DGLUCY: variants seen among roughly 807,000 people sequenced by gnomAD.
DGLUCY encodes the protein D-glutamate cyclase, mitochondrial.
DGLUCY carries 58 observed loss-of-function variants against 58.5 expected under a neutral mutation model. The observed-to-expected ratio is 0.99, with a 90% CI of 0.80 to 1.23. DGLUCY has a LOEUF of 1.23. Among genes scored for constraint, DGLUCY ranks in the 50% most tolerant of loss-of-function variants. The pLI is 0.00. For synonymous variants in DGLUCY, 325 were observed against 314.1 expected, an observed-to-expected ratio of 1.03 and a Z score of -0.37; for missense variants, 779 against 784.7, an observed-to-expected ratio of 0.99 and a Z score of 0.09.
In DGLUCY at chr14:91,069,799, C is replaced by CTTTTTTT. The variant is rs5810528; in HGVS notation, c.-82+9106_-82+9112dup. Among the ~76,000 whole-genome samples the CTTTTTTT allele has an allele frequency of 1.2e-4, 14 of 121,030 alleles. 1 individual carries two copies. Among genetic ancestry groups the CTTTTTTT allele is most frequent in the African/African-American group, 4.1e-4 (13 of 31,634 alleles). 79.4% of individuals were successfully genotyped at this position (121,030 alleles called of 152,430 possible). On this transcript the variant is annotated intron_variant, in intron 1 of 4. Transcript: ENST00000521334. ...TTTCACTTATGATAATGATATGCCT[C>CTTTTTTT]TTTTTTTTTTTTTTTTTGTCACCCA...
Position 91,170,153 on chromosome 14 carries a change from G to A in DGLUCY, c.408G>A (p.Gly136=), listed in dbSNP as rs2048496833. Residue 136 remains glycine (G), a synonymous_variant, in exon 5 of 14, where the codon GGG becomes GGA. Transcript: ENST00000256324. ...FSLEEALEKA[G]LPRRDPAGHS... The stretch of plus-strand genomic sequence containing the variant: ...TGGAGGAGGCCTTGGAGAAAGCGGG[G>A]CTCCCCAGAAGAGACCCAGCAGGTC... The A allele has an allele frequency of 1.2e-6, 2 of 1,613,552 alleles. No homozygotes were observed. Among genetic ancestry groups the A allele is most frequent in the African/African-American group, 2.7e-5 (2 of 74,932 alleles).
chr14:91,186,163 C>T (rs2049505042), intron 8 of DGLUCY, among the ~76,000 whole-genome samples: 2 of 152,128 alleles, frequency 1.3e-5, no homozygotes, highest in African/African-American at 4.8e-5. Context: ...TTCTCACTCT[C>T]CTCTTCTCCC....
intron 1 of DGLUCY, among the ~76,000 whole-genome samples, chr14:91,090,165 C>A (rs543228603): frequency 6.6e-6 from 1 of 152,266 alleles, no homozygotes; most frequent in African/African-American, 2.4e-5. Context: ...TTCATTGCAC[C>A]GCCACAGGGA....
intron 5 of DGLUCY, 98 bp downstream of exon 5, chr14:91,170,299 G>T (rs1338933140): frequency 2.3e-6 from 3 of 1,325,830 alleles, no homozygotes; most frequent in African/African-American, 1.5e-5. Context: ...CACGGGAGGT[G>T]GAAAACCTAA....
intron 1 of DGLUCY, among the ~76,000 whole-genome samples, chr14:91,153,297 C>G (rs1832323883): frequency 6.6e-6 from 1 of 152,218 alleles, no homozygotes. Flanking sequence ...AGTCTCGTGC[C>G]TCAGCCTCCC....
chr14:91,217,306 G>A (rs1482784742), intron 13 of DGLUCY, among the ~76,000 whole-genome samples: 1 of 152,122 alleles, frequency 6.6e-6, no homozygotes, highest in Non-Finnish European at 1.5e-5. Flanking sequence ...GGGAGAGGGC[G>A]TGGAAGGTCT....
At chr14:91,214,883 G>T (rs781255378) in intron 12 of DGLUCY, among the ~76,000 whole-genome samples, 25 of 152,162 alleles carry the variant, frequency 1.6e-4, no homozygotes, top group Non-Finnish European at 3.1e-4. Flanking sequence ...AGGTGCAGTG[G>T]CTCATGCCTG....
intron 11 of DGLUCY, among the ~76,000 whole-genome samples, chr14:91,204,199 C>T (rs1453452628): frequency 1.3e-5 from 2 of 152,262 alleles, no homozygotes; most frequent in African/African-American, 4.8e-5. Context: ...ACTAACCACA[C>T]TTGGAGTGTG....
chr14:91,219,053 G>A (rs1169083426), intron 13 of DGLUCY, among the ~76,000 whole-genome samples: 3 of 151,898 alleles, frequency 2.0e-5, no homozygotes, highest in Non-Finnish European at 2.9e-5. Flanking sequence ...GGTGGCGGGC[G>A]CCTGTAGTCC....
In DGLUCY at chr14:91,157,183, A is replaced by G. The variant is rs1164458568; in HGVS notation, c.-81-456A>G. On this transcript the variant is annotated intron_variant, in intron 1 of 13. Coordinates refer to ENST00000256324, the MANE Select transcript of DGLUCY (RefSeq NM_001102368.3). ...AATGGGTGGATGGATAGATGGATGG[A>G]TGGGTGGATAGATGGATGGATGAAT... Among the ~76,000 whole-genome samples, 541 of 134,588 alleles carry G rather than the reference A, an allele frequency of 4.0e-3. 4 individuals are homozygous for G. The highest frequency in any genetic ancestry group is 0.014 in the African/African-American group (517 of 37,616). The allele number at this position is 134,588 out of a possible 152,430, so 88.3% of individuals were successfully genotyped here. A position where few individuals can be genotyped will look rare whatever the true frequency, so the allele number is the denominator to read the frequency against.
chr14:91,211,724 T>G, intron 12 of DGLUCY, among the ~76,000 whole-genome samples: 1 of 152,208 alleles, frequency 6.6e-6, no homozygotes, highest in East Asian at 1.9e-4. Flanking sequence ...AACACAAAAC[T>G]ATAAAACTCC....
At chr14:91,140,461 CAGG>C in intron 1 of DGLUCY, among the ~76,000 whole-genome samples, 1 of 152,280 alleles carries the variant, frequency 6.6e-6, no homozygotes, top group South Asian at 2.1e-4. Flanking sequence ...CACCTGAAGT[CAGG>C]AGTTCAAGAG....
chr14:91,182,469 A>G (rs2049241837), intron 8 of DGLUCY, among the ~76,000 whole-genome samples: 2 of 151,796 alleles, frequency 1.3e-5, no homozygotes, highest in South Asian at 4.2e-4. Flanking sequence ...TATTATTATT[A>G]TTTAGAGATG....
intron 1 of DGLUCY, among the ~76,000 whole-genome samples, chr14:91,069,028 G>A (rs1046669778): frequency 5.9e-5 from 9 of 152,188 alleles, no homozygotes; most frequent in Admixed American, 5.2e-4. Flanking sequence ...AGTTTAGGTG[G>A]TACATGAAGA....
intron 1 of DGLUCY, among the ~76,000 whole-genome samples, chr14:91,152,185 A>G (rs1436510831): frequency 6.6e-6 from 1 of 152,176 alleles, no homozygotes; most frequent in Admixed American, 6.5e-5. Context: ...CCAGGAGTTC[A>G]GAAAATACAG....
chr14:91,173,337 G>A lies in DGLUCY; in HGVS notation c.505G>A (p.Val169Ile). The change falls in exon 6 of 14, where the codon GTC becomes ATC. Residue 169 changes from valine to isoleucine, a missense_variant. Val to Ile is a conservative substitution (Grantham distance 29, BLOSUM62 3). Coordinates refer to ENST00000256324, the MANE Select transcript of DGLUCY (RefSeq NM_001102368.3). ...TGCTGGCTTCTGCTGCCCTCTGGTGGTCACGATGAGGCCCATTCCCAAGGA... is the reference window on the plus strand; with the variant it reads ...TGCTGGCTTCTGCTGCCCTCTGGTGATCACGATGAGGCCCATTCCCAAGGA... ...THAGFCCPLV[V>I]TMRPIPKDKL... The A allele has an allele frequency of 6.2e-7, 1 of 1,613,624 alleles. No homozygotes were observed. The highest frequency in any genetic ancestry group is 8.5e-7 in the Non-Finnish European group (1 of 1,179,918).
intron 8 of DGLUCY, among the ~76,000 whole-genome samples, chr14:91,186,078 AG>A (rs2049498880): frequency 6.6e-6 from 1 of 152,194 alleles, no homozygotes; most frequent in Admixed American, 6.5e-5. Context: ...GAAGGGATAT[AG>A]GGTTTATAGT....
intron 5 of DGLUCY, among the ~76,000 whole-genome samples, chr14:91,171,299 T>C (rs539660976): frequency 6.6e-6 from 1 of 152,360 alleles, no homozygotes; most frequent in South Asian, 2.1e-4. Flanking sequence ...TAAATGATGC[T>C]TTGCAGTCAC....
At chr14:91,090,471 A>G (rs1300961708) in intron 1 of DGLUCY, among the ~76,000 whole-genome samples, 2 of 152,182 alleles carry the variant, frequency 1.3e-5, no homozygotes, top group African/African-American at 2.4e-5. Flanking sequence ...CTTTGGCCAT[A>G]AGCATCCTTC....
Sources: allele counts gnomAD v4.1 joint callset (sites outside exome capture counted in the v4.1 genomes callset), GRCh38; gene constraint gnomAD v4.1.1; transcripts MANE v1.5; gene names NCBI Gene and HGNC (gene_info 2026-07-23, HGNC 2026-07-21).